Variants in LIPN observed in about 807,000 individuals in gnomAD.
LIPN encodes the protein lipase family member N.
In LIPN, 32 loss-of-function variants were observed where a neutral mutation model predicts 43.7. The ratio of observed to expected loss-of-function variants is 0.73; its 90% CI spans 0.55 to 0.98. The LOEUF is 0.98. Ranked by LOEUF, LIPN falls within the 50% of genes least tolerant of loss-of-function variation. LIPN has a pLI of 0.00. For synonymous variants in LIPN, 156 were observed against 157.6 expected (o/e 0.99, Z 0.08); for missense variants, 505 against 483.8 (o/e 1.04, Z -0.41).
At chr10:88,760,624 T>C (rs1438894932) in intron 1 of LIPN, among the ~76,000 whole-genome samples, 1 of 152,148 alleles carries the variant, frequency 6.6e-6, no homozygotes, top group Non-Finnish European at 1.5e-5. Flanking sequence ...CTAAATGTTA[T>C]ATATGACTTA....
At chr10:88,776,413 G>A (rs1259128584) in intron 9 of LIPN, among the ~76,000 whole-genome samples, 2 of 151,916 alleles carry the variant, frequency 1.3e-5, no homozygotes, top group South Asian at 2.1e-4. Context: ...AAATCAACAC[G>A]CACATTCAAG....
chr10:88,776,928 C>T (rs1411655205), intron 9 of LIPN, among the ~76,000 whole-genome samples: 1 of 152,038 alleles, frequency 6.6e-6, no homozygotes, highest in Non-Finnish European at 1.5e-5. Context: ...TTCCTGCCTC[C>T]ATTCTCCTGT....
In LIPN at chr10:88,778,116, T is replaced by C; in HGVS notation, c.1071T>C (p.Pro357=). The C allele has an allele frequency of 6.2e-7, 1 of 1,613,626 alleles. No individual in the cohort carries two copies. ...VTPQDVARIL[P]QIKSLHYFKL... ...CCCAGGATGTGGCCAGGATACTCCC[T>C]CAAATCAAGAGTCTTCATTACTTTA... The change falls in exon 10 of 10, where the codon CCT becomes CCC. Residue 357 remains proline, a synonymous_variant. Transcript: ENST00000404459.
chr10:88,766,463 TA>T, intron 5 of LIPN, 85 bp downstream of exon 5: 3 of 820,608 alleles, frequency 3.7e-6, no homozygotes, highest in Non-Finnish European at 4.2e-6. Context: ...TATGTTGGAA[TA>T]AAACAACTGT....
At chr10:88,772,634 T>C (rs183951162) in intron 7 of LIPN, among the ~76,000 whole-genome samples, 191 of 151,972 alleles carry the variant, frequency 1.3e-3, no homozygotes, top group Middle Eastern at 3.4e-3. Flanking sequence ...TATGCCAGTA[T>C]CATGCAGTTT....
upstream of LIPN, among the ~76,000 whole-genome samples, chr10:88,758,361 T>C: frequency 8.8e-6 from 1 of 113,590 alleles, no homozygotes; most frequent in Admixed American, 9.2e-5. Context: ...CATCTAATTT[T>C]ATTAAAAAAA....
intron 6 of LIPN, 146 bp downstream of exon 6, chr10:88,769,074 G>T (rs1843161875): frequency 1.4e-6 from 1 of 730,008 alleles, no homozygotes; most frequent in African/African-American, 1.8e-5. Flanking sequence ...TTGTGTATGT[G>T]TGTCCCTGCG....
At chr10:88,769,287 C>T (rs557703312) in intron 6 of LIPN, among the ~76,000 whole-genome samples, 3 of 151,992 alleles carry the variant, frequency 2.0e-5, no homozygotes, top group Admixed American at 6.6e-5. Flanking sequence ...ATGAAAGACA[C>T]TTCAAGTTAC....
At position 88,765,206 on chromosome 10, in the gene LIPN, G is replaced by C. The variant is rs556701617; in HGVS notation, c.425+598G>C. On this transcript the variant is annotated intron_variant, in intron 4 of 9. Transcript: ENST00000404459. ...TGGGCAATGAAGAAGAATCTTTTTT[G>C]ATATCTTGTTTCTTTTAATGGAAGA... Among the ~76,000 whole-genome samples, 4 of 151,968 alleles carry C rather than the reference G, an allele frequency of 2.6e-5. No homozygotes were observed. In the South Asian group the frequency reaches 8.3e-4, roughly 32 times the overall value.
intron 3 of LIPN, among the ~76,000 whole-genome samples, chr10:88,764,179 T>C (rs1413361084): frequency 6.6e-6 from 1 of 151,978 alleles, no homozygotes; most frequent in East Asian, 1.9e-4. Context: ...TATAAATACG[T>C]CAACATAGCA....
intron 3 of LIPN, among the ~76,000 whole-genome samples, chr10:88,763,730 T>A (rs1291082107): frequency 1.3e-5 from 2 of 152,022 alleles, no homozygotes; most frequent in Non-Finnish European, 2.9e-5. Context: ...GAATGCTCTC[T>A]CTCCCTCAGA....
upstream of LIPN, among the ~76,000 whole-genome samples, chr10:88,759,621 A>G (rs1339047618): frequency 6.6e-6 from 1 of 152,130 alleles, no homozygotes; most frequent in African/African-American, 2.4e-5. Flanking sequence ...AGTTACAGTC[A>G]CGCACATCCC....
chr10:88,765,255 A>G (rs943464738), intron 4 of LIPN, among the ~76,000 whole-genome samples: 3 of 152,030 alleles, frequency 2.0e-5, no homozygotes, highest in African/African-American at 7.2e-5. Flanking sequence ...ACCAGAGGAC[A>G]GGCTGATGCC....
Position 88,778,026 on chromosome 10 carries a change from T to C in LIPN, c.981T>C (p.Tyr327=). Residue 327 remains tyrosine (Y), a synonymous_variant, in exon 10 of 10, where the codon TAT becomes TAC. Coordinates refer to ENST00000404459, the MANE Select transcript of LIPN (RefSeq NM_001102469.2). ...KHYNQSHPPI[Y]DLTAMKVPTA... is the part of the protein sequence containing the mutation. The stretch of plus-strand genomic sequence containing the variant: ...TCCCACAGAGTCATCCCCCTATATA[T>C]GACCTGACTGCCATGAAAGTGCCTA... 1 of 1,612,254 alleles carries C rather than the reference T, an allele frequency of 6.2e-7. No homozygotes were observed. The highest frequency in any genetic ancestry group is 8.5e-7 in the Non-Finnish European group (1 of 1,178,564).
chr10:88,758,522 C>A (rs1842954588), upstream of LIPN, among the ~76,000 whole-genome samples: 2 of 148,330 alleles, frequency 1.3e-5, no homozygotes, highest in South Asian at 2.1e-4. Context: ...TATATATTTT[C>A]TATATACTTT....
chr10:88,767,639 A>G (rs1443993083), intron 5 of LIPN, among the ~76,000 whole-genome samples: 1 of 100,702 alleles, frequency 9.9e-6, no homozygotes, highest in South Asian at 3.5e-4. Flanking sequence ...CTTATACTTG[A>G]TCTGCAAAAA....
At chr10:88,759,635 G>A (rs303461), upstream of LIPN, among the ~76,000 whole-genome samples, 36,073 of 151,892 alleles carry the variant, frequency 0.24, 4,432 homozygotes, top group East Asian at 0.37. Flanking sequence ...ACATCCCTAC[G>A]CACTGCATGG....
chr10:88,768,958 G>T, intron 6 of LIPN, 30 bp downstream of exon 6: 2 of 1,596,732 alleles, frequency 1.3e-6, no homozygotes, highest in South Asian at 1.1e-5. Context: ...ATGTACCTGA[G>T]GATCTCATTT....
rs748347735 is a variant in LIPN, at chr10:88,764,410, G to A, written c.227G>A (p.Gly76Asp). 1.4e-5 allele frequency: 22 copies of A among 1,603,738 alleles called. No homozygotes were observed. The South Asian group carries it at 1.7e-4, about 12-fold the overall frequency. The change falls in exon 4 of 10, where the codon GGT becomes GAT. Residue 76 changes from glycine (G) to aspartate (D), a missense_variant and splice_region_variant. Gly to Asp is a moderately conservative substitution (Grantham distance 94). Transcript: ENST00000404459. ...PYGRTHARST[G>D]PRPVVYMQHA... The stretch of plus-strand genomic sequence containing the variant: ...CTCATCTTACCCTTTCCCCCACCAG[G>A]TCCCCGGCCAGTTGTGTATATGCAG...
Sources: gnomAD v4.1 joint callset for allele counts (sites outside exome capture counted in the v4.1 genomes callset) on GRCh38, gnomAD v4.1.1 for gene constraint, MANE v1.5 for transcripts, NCBI Gene and HGNC (gene_info 2026-07-23, HGNC 2026-07-21) for gene names.